KCNQ5: variants seen among roughly 807,000 people sequenced by gnomAD.
The protein encoded by KCNQ5 is potassium voltage-gated channel subfamily Q member 5, also known as potassium voltage-gated channel subfamily KQT member 5.
In KCNQ5, 30 loss-of-function variants were observed where a neutral mutation model predicts 98.2. The ratio of observed to expected loss-of-function variants is 0.31; its 90% CI spans 0.23 to 0.41. KCNQ5 has a LOEUF of 0.41. KCNQ5 is among the 10% of genes least tolerant of loss of function. KCNQ5 has a pLI of 1.00. For missense variants in KCNQ5, 835 were observed against 1,182.5 expected, an observed-to-expected ratio of 0.71 and a Z score of 4.31; for synonymous variants, 458 against 449.4, an observed-to-expected ratio of 1.02 and a Z score of -0.24.
chr6:73,072,264 G>A (rs901838823), intron 3 of KCNQ5, among the ~76,000 whole-genome samples: 6 of 152,148 alleles, frequency 3.9e-5, no homozygotes, highest in Admixed American at 3.9e-4. Context: ...TACTTACCTC[G>A]AGAGGGTTTA....
chr6:72,844,750 TC>T (rs1776948440), intron 1 of KCNQ5, among the ~76,000 whole-genome samples: 1 of 152,170 alleles, frequency 6.6e-6, no homozygotes, highest in Non-Finnish European at 1.5e-5. Context: ...AGGAATGACA[TC>T]CCTAACCTTT....
chr6:72,839,699 T>C (rs1776698584), intron 1 of KCNQ5, among the ~76,000 whole-genome samples: 1 of 152,240 alleles, frequency 6.6e-6, no homozygotes, highest in South Asian at 2.1e-4. Flanking sequence ...AATGTATATT[T>C]TTATGGGGTA....
At chr6:73,111,448 G>T (rs1349683251) in intron 7 of KCNQ5, 45 bp downstream of exon 7, 5 of 1,221,962 alleles carry the variant, frequency 4.1e-6, no homozygotes, top group Non-Finnish European at 5.9e-6. Flanking sequence ...TGTGTCCATA[G>T]TGCTTGATGG....
intron 1 of KCNQ5, among the ~76,000 whole-genome samples, chr6:72,876,285 G>A (rs12664704): frequency 0.27 from 40,554 of 151,744 alleles, 5,606 homozygotes; most frequent in Non-Finnish European, 0.29. Flanking sequence ...GCATTTAATA[G>A]GGTTAAAATT....
intron 1 of KCNQ5, among the ~76,000 whole-genome samples, chr6:72,879,527 A>G (rs887728660): frequency 1.3e-5 from 2 of 152,178 alleles, no homozygotes; most frequent in Non-Finnish European, 2.9e-5. Flanking sequence ...ATGTTAATAT[A>G]CATCTTCTCT....
intron 1 of KCNQ5, among the ~76,000 whole-genome samples, chr6:72,731,693 T>C (rs1309185243): frequency 1.3e-5 from 2 of 152,298 alleles, no homozygotes; most frequent in Non-Finnish European, 2.9e-5. Context: ...TCTAATACTT[T>C]CCAAGAAGTC....
At chr6:73,183,665 T>G (rs1778476822) in intron 11 of KCNQ5, among the ~76,000 whole-genome samples, 1 of 152,196 alleles carries the variant, frequency 6.6e-6, no homozygotes, top group Non-Finnish European at 1.5e-5. Context: ...AAACTTAGCT[T>G]GGACACAAAT....
At chr6:72,774,076 A>G (rs1773046711) in intron 1 of KCNQ5, among the ~76,000 whole-genome samples, 1 of 152,176 alleles carries the variant, frequency 6.6e-6, no homozygotes, top group Non-Finnish European at 1.5e-5. Context: ...AAAAAAATGA[A>G]TCTTGACTCT....
chr6:72,744,805 G>A (rs899933785), intron 1 of KCNQ5, among the ~76,000 whole-genome samples: 8 of 150,496 alleles, frequency 5.3e-5, no homozygotes, highest in East Asian at 3.9e-4. Flanking sequence ...GCGAGACTCC[G>A]TCTAAAAAAA....
At chr6:72,695,571 A>G (rs775148174) in intron 1 of KCNQ5, among the ~76,000 whole-genome samples, 2 of 152,182 alleles carry the variant, frequency 1.3e-5, no homozygotes, top group Non-Finnish European at 2.9e-5. Flanking sequence ...AAAATCATGT[A>G]ACAACACTTC....
chr6:72,902,166 G>C (rs984729761), intron 1 of KCNQ5, among the ~76,000 whole-genome samples: 1 of 152,158 alleles, frequency 6.6e-6, no homozygotes, highest in Non-Finnish European at 1.5e-5. Flanking sequence ...ATACAGAAGA[G>C]CTACTGATTT....
In KCNQ5 at chr6:73,192,658, T is replaced by C. The variant is rs1373396695; in HGVS notation, c.1803T>C (p.Ser601=). Reference sequence around the variant, plus strand: ...AACATGAGACCACAGACGATCTCAGTATGCTCGGTCGGGTGGTCAAGGTTG... The same window carrying C: ...AACATGAGACCACAGACGATCTCAGCATGCTCGGTCGGGTGGTCAAGGTTG... ...TAEHETTDDL[S]MLGRVVKVEK... The change falls in exon 13 of 14, where the codon AGT becomes AGC. Residue 601 remains serine, a synonymous_variant. Transcript: ENST00000370398. 1.2e-6 allele frequency: 2 copies of C among 1,608,788 alleles called. No homozygotes were observed. The highest frequency in any genetic ancestry group is 1.7e-6 in the Non-Finnish European group (2 of 1,177,418).
chr6:72,874,549 T>C (rs1778333315), intron 1 of KCNQ5, among the ~76,000 whole-genome samples: 1 of 152,092 alleles, frequency 6.6e-6, no homozygotes, highest in South Asian at 2.1e-4. Flanking sequence ...ATTCCTCAAA[T>C]CCAATGGGAA....
At chr6:73,058,392 G>C (rs111979476) in intron 3 of KCNQ5, among the ~76,000 whole-genome samples, 79 of 152,036 alleles carry the variant, frequency 5.2e-4, no homozygotes, top group Admixed American at 1.2e-3. Flanking sequence ...CAGCCTGGGC[G>C]ACAGCGAGAC....
At position 72,622,656 on chromosome 6, in the gene KCNQ5, C is replaced by A; in HGVS notation, c.398+69C>A. 1 of 1,565,628 alleles carries A rather than the reference C, an allele frequency of 6.4e-7. No individual in the cohort carries two copies. On this transcript the variant is annotated intron_variant, in intron 1 of 13. Transcript: ENST00000370398. The surrounding 1 kb of genome is among the most constrained non-coding windows in gnomAD (Gnocchi z 6.0). ...TGTCCCTGGCCCCCTGGGGCGTGCT[C>A]CGCGCTCGCGCCCTTGGGCCCCCGC...
intron 1 of KCNQ5, among the ~76,000 whole-genome samples, chr6:72,731,817 C>A (rs570267605): frequency 1.3e-5 from 2 of 152,106 alleles, no homozygotes; most frequent in African/African-American, 4.8e-5. Context: ...AACTTCCAGT[C>A]CTGCCACGAG....
chr6:72,796,938 TC>T (rs1204793875), intron 1 of KCNQ5, among the ~76,000 whole-genome samples: 3 of 152,080 alleles, frequency 2.0e-5, no homozygotes, highest in African/African-American at 7.2e-5. Context: ...GGCAGATGAG[TC>T]CCTAGCTTAA....
At chr6:72,733,535 A>G (rs1770661670) in intron 1 of KCNQ5, among the ~76,000 whole-genome samples, 1 of 152,220 alleles carries the variant, frequency 6.6e-6, no homozygotes, top group Admixed American at 6.5e-5. Flanking sequence ...TCTTTTTAAA[A>G]ATGGAAGAGT....
chr6:72,880,660 AGT>A (rs1431005344), intron 1 of KCNQ5, among the ~76,000 whole-genome samples: 5 of 152,146 alleles, frequency 3.3e-5, no homozygotes, highest in African/African-American at 9.7e-5. Flanking sequence ...CCCTGTGAAT[AGT>A]GTCTTATTAT....
Sources: allele counts gnomAD v4.1 joint callset (sites outside exome capture counted in the v4.1 genomes callset), GRCh38; gene constraint gnomAD v4.1.1; non-coding constraint Gnocchi (gnomAD v3.1); transcripts MANE v1.5; gene names NCBI Gene and HGNC (gene_info 2026-07-23, HGNC 2026-07-21).